LGSN: variants seen among roughly 807,000 people sequenced by gnomAD.
The protein encoded by LGSN is lengsin.
A neutral mutation model predicts 19.5 loss-of-function variants in LGSN; 21 were observed. The observed-to-expected ratio is 1.07, with a 90% CI of 0.76 to 1.55. The LOEUF (loss-of-function observed/expected upper bound fraction) is 1.55, where lower values mean the gene tolerates loss of function less well. Among genes scored for constraint, LGSN ranks in the 40% most tolerant of loss-of-function variants. The probability of loss-of-function intolerance (pLI) is 0.00; values close to 1 mark genes in which losing one functional copy is unlikely to be tolerated. For synonymous variants in LGSN, 257 were observed against 215.6 expected, an observed-to-expected ratio of 1.19 and a Z score of -1.68; for missense variants, 673 against 608.5, an observed-to-expected ratio of 1.11 and a Z score of -1.12.
At chr6:63,353,569 A>C in the LGSN span, among the ~76,000 whole-genome samples, 5,179 of 148,706 alleles carry the variant, frequency 0.035, 314 homozygotes, top group African/African-American at 0.12. Flanking sequence ...TTTCTCTTTT[A>C]GAAAGAAGCA....
At chr6:63,326,066 C>A in the LGSN span, among the ~76,000 whole-genome samples, 3 of 152,096 alleles carry the variant, frequency 2.0e-5, no homozygotes, top group Non-Finnish European at 4.4e-5. Flanking sequence ...TTCTCCACGT[C>A]CCCACCAGAT....
At chr6:63,391,744 T>A in the LGSN span, among the ~76,000 whole-genome samples, 1 of 152,212 alleles carries the variant, frequency 6.6e-6, no homozygotes, top group African/African-American at 2.4e-5. Flanking sequence ...CTTTTAGCTA[T>A]CTCTGTCTCA....
the LGSN span, among the ~76,000 whole-genome samples, chr6:63,403,065 A>G: frequency 4.7e-4 from 71 of 151,144 alleles, 1 homozygote; most frequent in African/African-American, 1.6e-3. Flanking sequence ...ATAAATTTAT[A>G]TAGAGATAGA....
chr6:63,342,578 G>C, the LGSN span, among the ~76,000 whole-genome samples: 1 of 152,246 alleles, frequency 6.6e-6, no homozygotes, highest in Non-Finnish European at 1.5e-5. Context: ...TCAACAAAAT[G>C]AACTTGAACG....
the LGSN span, among the ~76,000 whole-genome samples, chr6:63,490,491 C>T: frequency 1.3e-5 from 2 of 152,136 alleles, no homozygotes; most frequent in Admixed American, 6.6e-5. Flanking sequence ...GGAATTTTGC[C>T]ACATGACATG....
At chr6:63,384,620 C>A in the LGSN span, among the ~76,000 whole-genome samples, 1 of 151,770 alleles carries the variant, frequency 6.6e-6, no homozygotes, top group African/African-American at 2.4e-5. Flanking sequence ...CAGGTTCAAG[C>A]AATTCTCCTG....
At chr6:63,327,608 T>C in the LGSN span, among the ~76,000 whole-genome samples, 3 of 152,322 alleles carry the variant, frequency 2.0e-5, no homozygotes, top group South Asian at 6.2e-4. Context: ...GATTTCATTA[T>C]TTCTTGCAAA....
the LGSN span, among the ~76,000 whole-genome samples, chr6:63,380,582 C>G: frequency 6.6e-6 from 1 of 151,834 alleles, no homozygotes; most frequent in Non-Finnish European, 1.5e-5. Context: ...TTTTTTTCAG[C>G]CTTCATAGAG....
intron 1 of LGSN, among the ~76,000 whole-genome samples, chr6:63,303,114 G>A (rs1443351149): frequency 6.6e-6 from 1 of 152,074 alleles, no homozygotes; most frequent in Admixed American, 6.6e-5. Flanking sequence ...AAATATACTG[G>A]TGTCATGACT....
At chr6:63,434,158 G>T in the LGSN span, among the ~76,000 whole-genome samples, 1 of 152,106 alleles carries the variant, frequency 6.6e-6, no homozygotes, top group Non-Finnish European at 1.5e-5. Context: ...TTGTGACCTG[G>T]CTGGGCGCAG....
chr6:63,336,814 G>C, the LGSN span, among the ~76,000 whole-genome samples: 1 of 151,676 alleles, frequency 6.6e-6, no homozygotes, highest in African/African-American at 2.4e-5. Flanking sequence ...TTTTTAGTAG[G>C]GACTCGAATT....
chr6:63,514,603 T>C, the LGSN span, among the ~76,000 whole-genome samples: 3 of 152,258 alleles, frequency 2.0e-5, no homozygotes, highest in Admixed American at 6.5e-5. Context: ...GAAATGTCTA[T>C]TGACTTCTAA....
At chr6:63,312,297 A>T (rs1314981628) in intron 1 of LGSN, among the ~76,000 whole-genome samples, 1 of 152,002 alleles carries the variant, frequency 6.6e-6, no homozygotes. Context: ...CTGATTCCAC[A>T]CCCTTTGGAT....
the LGSN span, among the ~76,000 whole-genome samples, chr6:63,410,069 A>C: frequency 1.3e-5 from 2 of 152,222 alleles, no homozygotes; most frequent in South Asian, 4.2e-4. Context: ...ATAATAAGGT[A>C]TTACCTCATC....
At chr6:63,390,649 G>A in the LGSN span, among the ~76,000 whole-genome samples, 1 of 151,330 alleles carries the variant, frequency 6.6e-6, no homozygotes, top group African/African-American at 2.4e-5. Flanking sequence ...GAGGTCAGGA[G>A]ATCGAGACCA....
the LGSN span, among the ~76,000 whole-genome samples, chr6:63,525,038 T>G: frequency 6.6e-6 from 1 of 152,210 alleles, no homozygotes; most frequent in Non-Finnish European, 1.5e-5. Flanking sequence ...ATTCAGGGAT[T>G]TAGCTTAGAC....
chr6:63,431,072 G>A, the LGSN span, among the ~76,000 whole-genome samples: 1 of 152,100 alleles, frequency 6.6e-6, no homozygotes, highest in African/African-American at 2.4e-5. Flanking sequence ...TCTACAAAGT[G>A]CTTTGATATA....
At chr6:63,380,570 T>A in the LGSN span, among the ~76,000 whole-genome samples, 2 of 151,582 alleles carry the variant, frequency 1.3e-5, no homozygotes, top group Non-Finnish European at 1.5e-5. Flanking sequence ...TCTGAAAACA[T>A]TTTTTTTTCA....
chr6:63,478,893 G>C, the LGSN span, among the ~76,000 whole-genome samples: 2 of 152,152 alleles, frequency 1.3e-5, no homozygotes, highest in African/African-American at 4.8e-5. Flanking sequence ...TACAGTGTCA[G>C]CTTATTCCAA....
Sources: allele counts gnomAD v4.1 joint callset (sites outside exome capture counted in the v4.1 genomes callset), GRCh38; gene constraint gnomAD v4.1.1; transcripts MANE v1.5; gene names NCBI Gene and HGNC (gene_info 2026-07-23, HGNC 2026-07-21).